ANKRD28: variants seen among roughly 807,000 people sequenced by gnomAD.
ANKRD28 encodes the protein serine/threonine-protein phosphatase 6 regulatory ankyrin repeat subunit A.
A neutral mutation model predicts 126.5 loss-of-function variants in ANKRD28; 44 were observed. That is an observed-to-expected ratio of 0.35 (90% confidence interval 0.27 to 0.45). The LOEUF is 0.45. Among genes scored for constraint, ANKRD28 ranks in the 20% least tolerant of loss-of-function variants. The probability of loss-of-function intolerance (pLI) is 1.00; values close to 1 mark genes in which losing one functional copy is unlikely to be tolerated. For synonymous variants in ANKRD28, 442 were observed against 468.5 expected (o/e 0.94, Z 0.73); for missense variants, 1,110 against 1,316.6 (o/e 0.84, Z 2.43).
chr3:15,831,869 A>G (rs935702672), intron 1 of ANKRD28, among the ~76,000 whole-genome samples: 3 of 152,216 alleles, frequency 2.0e-5, no homozygotes, highest in African/African-American at 7.2e-5. Flanking sequence ...AAATAAGGAT[A>G]CATATATATT....
rs2060786352 is a variant in ANKRD28 at position 15,814,218 on chromosome 3, A to G, written c.28-18912T>C. On this transcript the variant is annotated intron_variant, in intron 1 of 27. Coordinates refer to the ANKRD28 transcript ENST00000399451. The surrounding 1 kb of genome is among the most constrained non-coding windows in gnomAD (Gnocchi z 4.7). ...CAAGAGCTGCCTATATTACTGCAAG[A>G]GACTACTAGAAAATAACCTACCATA... The G allele has an allele frequency of 1.6e-5, 19 of 1,201,520 alleles. No homozygotes were observed. The highest frequency in any genetic ancestry group is 2.0e-5 in the Non-Finnish European group (19 of 946,082). The allele number at this position is 1,201,520 out of a possible 1,614,324, so 74.4% of individuals were successfully genotyped here.
At chr3:15,725,417 A>G (rs2074080703) in intron 6 of ANKRD28, among the ~76,000 whole-genome samples, 1 of 152,192 alleles carries the variant, frequency 6.6e-6, no homozygotes, top group Non-Finnish European at 1.5e-5. Flanking sequence ...GTCTAAGGTT[A>G]GTTTAATACC....
At chr3:15,824,472 A>T (rs2061016148) in intron 1 of ANKRD28, among the ~76,000 whole-genome samples, 1 of 152,236 alleles carries the variant, frequency 6.6e-6, no homozygotes, top group Non-Finnish European at 1.5e-5. Flanking sequence ...TAAAAAAAAC[A>T]AACTATCAGA....
At chr3:15,841,130 C>A (rs2125968984) in intron 1 of ANKRD28, among the ~76,000 whole-genome samples, 1 of 152,256 alleles carries the variant, frequency 6.6e-6, no homozygotes, top group Admixed American at 6.5e-5. Context: ...CAGAGCAAGA[C>A]TGTGTCTCAA....
intron 1 of ANKRD28, among the ~76,000 whole-genome samples, chr3:15,850,190 TAAAAA>T (rs1238069051): frequency 2.1e-3 from 66 of 31,944 alleles, no homozygotes; most frequent in Middle Eastern, 0.018. Flanking sequence ...CTACATGCAA[TAAAAA>T]AAAAAAAAAA....
chr3:15,772,835 T>C (rs1373439876), intron 2 of ANKRD28, among the ~76,000 whole-genome samples: 1 of 152,228 alleles, frequency 6.6e-6, no homozygotes, highest in East Asian at 1.9e-4. Context: ...TACAGGCACA[T>C]ACAACCACGC....
At chr3:15,852,819 C>G (rs574274360) in intron 1 of ANKRD28, among the ~76,000 whole-genome samples, 15 of 113,026 alleles carry the variant, frequency 1.3e-4, no homozygotes, top group African/African-American at 4.6e-4. Flanking sequence ...GGCGACAGTG[C>G]GAGACTCTGT....
At chr3:15,703,831 A>T (rs1023222701) in intron 14 of ANKRD28, among the ~76,000 whole-genome samples, 7 of 152,362 alleles carry the variant, frequency 4.6e-5, no homozygotes, top group East Asian at 1.9e-4. Context: ...AAAATATTTT[A>T]AAAAATTATA....
chr3:15,813,367 A>G (rs1411631282), intron 1 of ANKRD28, among the ~76,000 whole-genome samples: 1 of 152,156 alleles, frequency 6.6e-6, no homozygotes, highest in Non-Finnish European at 1.5e-5. Context: ...CCTTGTTGCA[A>G]AGGAAAAAAC....
At chr3:15,674,289 T>C (rs1419368230) in intron 27 of ANKRD28, among the ~76,000 whole-genome samples, 4 of 150,684 alleles carry the variant, frequency 2.7e-5, no homozygotes, top group South Asian at 2.1e-4. Context: ...AAAGTGGGCA[T>C]ACTTTAGATC....
In ANKRD28 at chr3:15,737,042, T is replaced by C; in HGVS notation, c.543A>G (p.Gly181=). The change falls in exon 5 of 28, where the codon GGA becomes GGG. Residue 181 remains glycine, a synonymous_variant. Coordinates refer to ENST00000683139, the MANE Select transcript of ANKRD28 (RefSeq NM_001349278.2). ...ATTGAATGCCACCTACCTCACCATGTCCACTGAAAGCTGCATGATGTAATG... is the reference window on the plus strand; with the variant it reads ...ATTGAATGCCACCTACCTCACCATGCCCACTGAAAGCTGCATGATGTAATG... ...RTALHHAAFS[G]HGEMVKLLLS... 1.2e-6 allele frequency: 2 copies of C among 1,613,938 alleles called. No homozygotes were observed. Among genetic ancestry groups the C allele is most frequent in the Non-Finnish European group, 1.7e-6 (2 of 1,179,854 alleles).
chr3:15,838,024 A>G lies in ANKRD28; in HGVS notation c.27+21353T>C, dbSNP rs1316528367. 6.6e-6 allele frequency among the ~76,000 whole-genome samples: 1 copy of G among 152,168 alleles called. No individual in the cohort carries two copies. Among genetic ancestry groups the G allele is most frequent in the Non-Finnish European group, 1.5e-5 (1 of 68,030 alleles). ...TGAACAACTGTATACAAACAAATGT[A>G]AACAACTTAGAAAAAAATAAATTCT... is the stretch of plus-strand genomic sequence containing the variant. On this transcript the variant is annotated intron_variant, in intron 1 of 27. Coordinates refer to the ANKRD28 transcript ENST00000399451. The surrounding 1 kb of genome is among the most constrained non-coding windows in gnomAD (Gnocchi z 4.0).
At chr3:15,766,749 G>C (rs539422013) in intron 2 of ANKRD28, among the ~76,000 whole-genome samples, 1 of 152,016 alleles carries the variant, frequency 6.6e-6, no homozygotes, top group African/African-American at 2.4e-5. Context: ...AAAAATACTT[G>C]ACCTTAAAAT....
intron 1 of ANKRD28, among the ~76,000 whole-genome samples, chr3:15,835,277 T>A (rs2061297608): frequency 6.6e-6 from 1 of 152,230 alleles, no homozygotes; most frequent in African/African-American, 2.4e-5. Context: ...GTTCATCCTA[T>A]AATAGTGGCT....
intron 1 of ANKRD28, among the ~76,000 whole-genome samples, chr3:15,852,316 T>C (rs1035850882): frequency 6.6e-6 from 1 of 152,202 alleles, no homozygotes; most frequent in African/African-American, 2.4e-5. Context: ...AACCTGTATT[T>C]CTTTAGTATT....
At chr3:15,709,890 C>CAT (rs2071988464) in intron 12 of ANKRD28, among the ~76,000 whole-genome samples, 154 bp from the exon 13 acceptor site, 1 of 152,130 alleles carries the variant, frequency 6.6e-6, no homozygotes, top group Admixed American at 6.6e-5. Flanking sequence ...CATTGAAATT[C>CAT]ATCTTATCTA....
intron 4 of ANKRD28, among the ~76,000 whole-genome samples, chr3:15,748,738 C>G (rs896890183): frequency 1.3e-5 from 2 of 152,136 alleles, no homozygotes; most frequent in African/African-American, 2.4e-5. Flanking sequence ...ATGTCCAGAT[C>G]TCTTGCAAGG....
Position 15,816,072 on chromosome 3 carries a change from TCTGA to T in ANKRD28, c.28-20770_28-20767del. On this transcript the variant is annotated intron_variant, in intron 1 of 27. Transcript: ENST00000399451. The surrounding 1 kb of genome is among the most constrained non-coding windows in gnomAD (Gnocchi z 5.0). ...CTCAAAACAATATCACGAGCGTATTTCTGACTGATTGAAAACCGCCTTCTGTTAC... is the reference window on the plus strand; with the variant it reads ...CTCAAAACAATATCACGAGCGTATTTCTGATTGAAAACCGCCTTCTGTTAC... Among the ~76,000 whole-genome samples, 1 of 152,306 alleles carries T rather than the reference TCTGA, an allele frequency of 6.6e-6. No homozygotes were observed. Among genetic ancestry groups the T allele is most frequent in the South Asian group, 2.1e-4 (1 of 4,822 alleles).
At position 15,686,213 on chromosome 3, in the gene ANKRD28, G is replaced by A. The variant is rs369707243; in HGVS notation, c.2051+9C>T. 3.4e-5 allele frequency: 54 copies of A among 1,589,428 alleles called. No individual in the cohort carries two copies. The highest frequency in any genetic ancestry group is 2.5e-4 in the East Asian group (11 of 44,306). ...TTCTGTGATGCAACAATTATTTATC[G>A]AAACTTACTGTCCATTTCCATCTTG... On this transcript the variant is annotated intron_variant, in intron 19 of 27. Transcript: ENST00000683139.
Sources: gnomAD v4.1 joint callset for allele counts (sites outside exome capture counted in the v4.1 genomes callset) on GRCh38, gnomAD v4.1.1 for gene constraint, Gnocchi (gnomAD v3.1) non-coding constraint, MANE v1.5 for transcripts, NCBI Gene and HGNC (gene_info 2026-07-23, HGNC 2026-07-21) for gene names.